Variants in RAI14 observed in about 807,000 individuals in gnomAD.
RAI14 encodes retinoic acid induced 14.
Under a neutral mutation model 115.4 loss-of-function variants are expected in RAI14, and 45 were observed. The observed-to-expected ratio is 0.39, with a 90% CI of 0.31 to 0.50. The LOEUF (loss-of-function observed/expected upper bound fraction) is 0.50, where lower values mean the gene tolerates loss of function less well. Ranked by LOEUF, RAI14 falls within the 20% of genes least tolerant of loss-of-function variation. RAI14 has a pLI of 0.85. For synonymous variants in RAI14, 371 were observed against 415.4 expected (o/e 0.89, Z 1.30); for missense variants, 939 against 1,131.2 (o/e 0.83, Z 2.44).
At chr5:34,723,006 A>T (rs1742974240) in intron 2 of RAI14, among the ~76,000 whole-genome samples, 2 of 151,064 alleles carry the variant, frequency 1.3e-5, no homozygotes, top group African/African-American at 4.9e-5. Flanking sequence ...AGGCTGAGGC[A>T]GGAGAATCGC....
At chr5:34,819,997 T>C (rs1454280008) in intron 13 of RAI14, among the ~76,000 whole-genome samples, 1 of 152,190 alleles carries the variant, frequency 6.6e-6, no homozygotes, top group African/African-American at 2.4e-5. Flanking sequence ...ATTCACTGTA[T>C]CTTAGAAGTA....
At chr5:34,760,261 A>G (rs1748456457) in intron 3 of RAI14, among the ~76,000 whole-genome samples, 1 of 152,000 alleles carries the variant, frequency 6.6e-6, no homozygotes, top group East Asian at 1.9e-4. Context: ...GTTGGCCAGG[A>G]TGGTCTCGAT....
intron 2 of RAI14, among the ~76,000 whole-genome samples, chr5:34,755,395 G>C (rs1400057965): frequency 6.6e-6 from 1 of 152,190 alleles, no homozygotes; most frequent in African/African-American, 2.4e-5. Flanking sequence ...AAGGAGAGCT[G>C]CACTGGTCTA....
intron 1 of RAI14, among the ~76,000 whole-genome samples, chr5:34,666,404 C>T (rs1743218670): frequency 6.6e-6 from 1 of 151,924 alleles, no homozygotes; most frequent in Admixed American, 6.5e-5. Context: ...GGGAAATATC[C>T]CCAACTGGCT....
chr5:34,826,586 CAAAGGA>C (rs1757475964), intron 16 of RAI14, 107 bp downstream of exon 16: 3 of 1,381,618 alleles, frequency 2.2e-6, no homozygotes, highest in Non-Finnish European at 2.9e-6. Context: ...ATTCCCAGCC[CAAAGGA>C]ATGTACTTCA....
intron 2 of RAI14, among the ~76,000 whole-genome samples, chr5:34,704,668 C>T (rs1740473724): frequency 6.6e-6 from 1 of 152,178 alleles, no homozygotes; most frequent in South Asian, 2.1e-4. Context: ...GTTATATACT[C>T]CTATCTATCA....
chr5:34,697,257 A>G (rs1462270396), intron 2 of RAI14, among the ~76,000 whole-genome samples: 1 of 151,796 alleles, frequency 6.6e-6, no homozygotes, highest in South Asian at 2.1e-4. Flanking sequence ...ACCAACATGG[A>G]GAAACCCTGT....
At chr5:34,714,948 A>T (rs573766401) in intron 2 of RAI14, among the ~76,000 whole-genome samples, 23 of 152,306 alleles carry the variant, frequency 1.5e-4, no homozygotes, top group African/African-American at 4.8e-4. Context: ...GCCTTTTGAT[A>T]TGGTGGGCTA....
At chr5:34,757,278 T>A (rs1748011725) in intron 2 of RAI14, 190 bp from the exon 3 acceptor site, 3 of 670,696 alleles carry the variant, frequency 4.5e-6, no homozygotes, top group Admixed American at 2.1e-5. Flanking sequence ...TATTTATGTT[T>A]TCTTTTGGGA....
chr5:34,688,480 G>A (rs1012124784), intron 2 of RAI14, among the ~76,000 whole-genome samples: 2 of 152,096 alleles, frequency 1.3e-5, no homozygotes, highest in Non-Finnish European at 2.9e-5. Flanking sequence ...AAAACTGGTG[G>A]CAGTAGGGAG....
At chr5:34,676,970 A>C (rs1456330501) in intron 1 of RAI14, among the ~76,000 whole-genome samples, 2 of 152,168 alleles carry the variant, frequency 1.3e-5, no homozygotes, top group African/African-American at 4.8e-5. Context: ...CTTTTAACAA[A>C]CCTGTACCTT....
intron 2 of RAI14, among the ~76,000 whole-genome samples, chr5:34,748,465 C>T (rs1303414906): frequency 6.6e-6 from 1 of 152,136 alleles, no homozygotes; most frequent in Non-Finnish European, 1.5e-5. Flanking sequence ...ATGTTTCAAT[C>T]CTTGTGTCTT....
chr5:34,673,548 A>T (rs1743763827), intron 1 of RAI14, among the ~76,000 whole-genome samples: 1 of 152,200 alleles, frequency 6.6e-6, no homozygotes, highest in Admixed American at 6.5e-5. Context: ...TTACTGTGGC[A>T]TCTGAGTTGG....
intron 3 of RAI14, among the ~76,000 whole-genome samples, chr5:34,760,370 C>A (rs1462220140): frequency 1.3e-5 from 2 of 152,166 alleles, no homozygotes; most frequent in African/African-American, 4.8e-5. Flanking sequence ...TGATCAGAAT[C>A]AACCCCAGAT....
At chr5:34,814,437 T>C in intron 11 of RAI14, 146 bp from the exon 12 acceptor site, 1 of 628,894 alleles carries the variant, frequency 1.6e-6, no homozygotes, top group Non-Finnish European at 2.8e-6. Context: ...GCACTGAAAA[T>C]ATTCTACCCG....
chr5:34,788,646 T>C (rs1260286833), intron 3 of RAI14, among the ~76,000 whole-genome samples: 3 of 152,224 alleles, frequency 2.0e-5, no homozygotes, highest in African/African-American at 4.8e-5. Context: ...CTTGAGTTAA[T>C]TCCAATGCCT....
chr5:34,683,815 C>T lies in RAI14; in HGVS notation c.-48-3057C>T, dbSNP rs369295466. On this transcript the variant is annotated intron_variant, in intron 1 of 17. Coordinates refer to ENST00000265109, the MANE Select transcript of RAI14 (RefSeq NM_015577.3). ...CGATATCGGCTCACTGCAAGCTCCG[C>T]CTCCCGGGTTCACGCCATTCTCCTG... Among the ~76,000 whole-genome samples, 33 of 152,166 alleles carry T rather than the reference C, an allele frequency of 2.2e-4. No individual in the cohort carries two copies. In the East Asian group the frequency reaches 6.2e-3, roughly 28 times the overall value.
intron 10 of RAI14, among the ~76,000 whole-genome samples, chr5:34,813,157 C>A (rs1755806531): frequency 6.6e-6 from 1 of 152,128 alleles, no homozygotes; most frequent in African/African-American, 2.4e-5. Context: ...CAGTAACCTT[C>A]AAAAATGAAG....
intron 1 of RAI14, among the ~76,000 whole-genome samples, chr5:34,682,476 A>G (rs1033591930): frequency 3.9e-5 from 6 of 151,996 alleles, no homozygotes; most frequent in Non-Finnish European, 7.4e-5. Context: ...TCAGGCTAGG[A>G]TTGGGAGTTA....
Sources: allele counts gnomAD v4.1 joint callset (sites outside exome capture counted in the v4.1 genomes callset), GRCh38; gene constraint gnomAD v4.1.1; transcripts MANE v1.5; gene names NCBI Gene and HGNC (gene_info 2026-07-23, HGNC 2026-07-21).